Variants in UNC5D observed in about 807,000 individuals in gnomAD.
The protein encoded by UNC5D is netrin receptor UNC5D.
In UNC5D, 39 loss-of-function variants were observed where a neutral mutation model predicts 105.4. That is an observed-to-expected ratio of 0.37 (90% confidence interval 0.29 to 0.48). The LOEUF (loss-of-function observed/expected upper bound fraction) is 0.48, where lower values mean the gene tolerates loss of function less well. Ranked by LOEUF, UNC5D falls within the 20% of genes least tolerant of loss-of-function variation. UNC5D has a pLI of 0.98. For synonymous variants in UNC5D, 452 were observed against 450.4 expected (o/e 1.00, Z -0.04); for missense variants, 991 against 1,202.4 (o/e 0.82, Z 2.60).
intron 11 of UNC5D, among the ~76,000 whole-genome samples, chr8:35,736,791 T>TAAGCA (rs1406470844): frequency 6.6e-6 from 1 of 152,188 alleles, no homozygotes; most frequent in African/African-American, 2.4e-5. Flanking sequence ...TTTTGGAAGC[T>TAAGCA]AAGCAAAGCA....
At chr8:35,347,663 C>T (rs1300203274) in intron 1 of UNC5D, among the ~76,000 whole-genome samples, 1 of 151,980 alleles carries the variant, frequency 6.6e-6, no homozygotes, top group East Asian at 1.9e-4. Flanking sequence ...TCTCTCCTTG[C>T]TAAGTTCACT....
At chr8:35,760,025 T>C (rs748517420) in intron 14 of UNC5D, among the ~76,000 whole-genome samples, 4 of 151,158 alleles carry the variant, frequency 2.6e-5, no homozygotes, top group East Asian at 2.0e-4. Context: ...AGAAAGAACA[T>C]GGCTTTTACT....
Position 35,505,943 on chromosome 8 carries a change from T to C in UNC5D, c.104-43349T>C, listed in dbSNP as rs367704728. Among the ~76,000 whole-genome samples the C allele has an allele frequency of 3.9e-4, 60 of 152,338 alleles. No homozygotes were observed. In the South Asian group the frequency reaches 5.4e-3, roughly 14 times the overall value. The stretch of plus-strand genomic sequence containing the variant: ...GAGGGTTATTGTGATAATGAAATAA[T>C]ACACCGAAATATTTCACATTGTACT... On this transcript the variant is annotated intron_variant, in intron 1 of 16. Coordinates refer to ENST00000404895, the MANE Select transcript of UNC5D (RefSeq NM_080872.4).
At chr8:35,538,338 T>C (rs1297914736) in intron 1 of UNC5D, among the ~76,000 whole-genome samples, 1 of 146,172 alleles carries the variant, frequency 6.8e-6, no homozygotes, top group South Asian at 2.2e-4. Context: ...AAGCTAGTGG[T>C]AAATACAGGG....
At chr8:35,719,985 G>A (rs190805713) in intron 8 of UNC5D, among the ~76,000 whole-genome samples, 1 of 152,140 alleles carries the variant, frequency 6.6e-6, no homozygotes, top group Admixed American at 6.5e-5. Context: ...AAAACACACT[G>A]AGCCATATCA....
chr8:35,331,146 G>A (rs1429370901), intron 1 of UNC5D, among the ~76,000 whole-genome samples: 1 of 152,158 alleles, frequency 6.6e-6, no homozygotes, highest in Admixed American at 6.5e-5. Context: ...AGAGGAAGAT[G>A]AGTGAGAGAT....
chr8:35,745,681 G>A (rs969135631), intron 11 of UNC5D, among the ~76,000 whole-genome samples: 2 of 152,196 alleles, frequency 1.3e-5, no homozygotes, highest in Non-Finnish European at 2.9e-5. Flanking sequence ...CAGCATGCAT[G>A]TATATGTGCA....
intron 1 of UNC5D, among the ~76,000 whole-genome samples, chr8:35,343,696 A>G (rs1404808176): frequency 6.6e-6 from 1 of 152,116 alleles, no homozygotes; most frequent in African/African-American, 2.4e-5. Flanking sequence ...CCCTTTCACT[A>G]TGTGGCTGCT....
At chr8:35,537,712 TAATA>T (rs892587160) in intron 1 of UNC5D, among the ~76,000 whole-genome samples, 20 of 149,860 alleles carry the variant, frequency 1.3e-4, no homozygotes, top group Middle Eastern at 3.5e-3. Context: ...AAAAATAAAA[TAATA>T]AATAAGTAAA....
intron 4 of UNC5D, among the ~76,000 whole-genome samples, chr8:35,654,140 TTTTAA>T (rs1189581969): frequency 6.6e-6 from 1 of 152,196 alleles, no homozygotes; most frequent in African/African-American, 2.4e-5. Flanking sequence ...TTCCTTTTCT[TTTTAA>T]TTTTTCTTAT....
chr8:35,391,330 G>A (rs1171402892), intron 1 of UNC5D, among the ~76,000 whole-genome samples: 3 of 152,142 alleles, frequency 2.0e-5, no homozygotes, highest in African/African-American at 7.2e-5. Context: ...TGCAGCAGAA[G>A]CCAAGCAAAT....
At chr8:35,484,961 A>T in intron 1 of UNC5D, among the ~76,000 whole-genome samples, 1 of 152,210 alleles carries the variant, frequency 6.6e-6, no homozygotes, top group Non-Finnish European at 1.5e-5. Context: ...ATATTTTAAC[A>T]CACTAATAAA....
chr8:35,522,337 G>C (rs1167080507), intron 1 of UNC5D, among the ~76,000 whole-genome samples: 1 of 152,134 alleles, frequency 6.6e-6, no homozygotes, highest in Non-Finnish European at 1.5e-5. Flanking sequence ...TCTTTGATGA[G>C]CTCTCATGTG....
intron 1 of UNC5D, among the ~76,000 whole-genome samples, chr8:35,390,694 A>T (rs576241261): frequency 1.3e-5 from 2 of 152,328 alleles, no homozygotes; most frequent in South Asian, 4.1e-4. Flanking sequence ...CTCTAAATTT[A>T]CCAATGCATA....
intron 1 of UNC5D, among the ~76,000 whole-genome samples, chr8:35,290,123 GAT>G (rs1483135737): frequency 1.5e-4 from 23 of 152,162 alleles, no homozygotes; most frequent in African/African-American, 4.3e-4. Context: ...AAAAACTAAA[GAT>G]AGAAATATTG....
intron 16 of UNC5D, among the ~76,000 whole-genome samples, chr8:35,778,700 A>G (rs1047521909): frequency 1.3e-5 from 2 of 152,238 alleles, no homozygotes; most frequent in Non-Finnish European, 2.9e-5. Flanking sequence ...TAGTAAAACT[A>G]CTGTCCTCAA....
At chr8:35,617,793 C>A (rs1161700070) in intron 4 of UNC5D, among the ~76,000 whole-genome samples, 2 of 152,212 alleles carry the variant, frequency 1.3e-5, no homozygotes, top group East Asian at 3.8e-4. Context: ...AGCTGAGAAT[C>A]CCCTGCTGTG....
chr8:35,399,611 A>G (rs1196723659), intron 1 of UNC5D, among the ~76,000 whole-genome samples: 8 of 152,192 alleles, frequency 5.3e-5, no homozygotes, highest in Admixed American at 5.2e-4. Context: ...AAGTTAGTAC[A>G]CTTAACATCT....
chr8:35,559,823 C>G (rs1816832685), intron 2 of UNC5D, among the ~76,000 whole-genome samples: 1 of 152,204 alleles, frequency 6.6e-6, no homozygotes, highest in Admixed American at 6.5e-5. Flanking sequence ...CTTTTAGTCT[C>G]CCAACAGGAT....
Sources: allele counts gnomAD v4.1 joint callset (sites outside exome capture counted in the v4.1 genomes callset), GRCh38; gene constraint gnomAD v4.1.1; transcripts MANE v1.5; gene names NCBI Gene and HGNC (gene_info 2026-07-23, HGNC 2026-07-21).